Variants in ADGRL2 observed in about 807,000 individuals in gnomAD.
ADGRL2 encodes adhesion G protein-coupled receptor L2.
A neutral mutation model predicts 157.4 loss-of-function variants in ADGRL2; 44 were observed. The observed-to-expected ratio is 0.28, with a 90% confidence interval of 0.22 to 0.36. ADGRL2 has a LOEUF of 0.36. Ranked by LOEUF, ADGRL2 falls within the 10% of genes least tolerant of loss-of-function variation. ADGRL2 has a pLI of 1.00. For synonymous variants in ADGRL2, 585 were observed against 624.7 expected (o/e 0.94, Z 0.95); for missense variants, 1,510 against 1,768.9 (o/e 0.85, Z 2.63).
At chr1:81,762,676 A>G (rs1890811) in intron 2 of ADGRL2, among the ~76,000 whole-genome samples, 47,820 of 151,976 alleles carry the variant, frequency 0.31, 8,710 homozygotes, top group East Asian at 0.77. Flanking sequence ...CAGGGTACAG[A>G]ACTACATACA....
At chr1:81,963,774 TA>T (rs1656217075) in intron 11 of ADGRL2, among the ~76,000 whole-genome samples, 1 of 151,450 alleles carries the variant, frequency 6.6e-6, no homozygotes, top group Non-Finnish European at 1.5e-5. Flanking sequence ...TATATTTTAT[TA>T]AAGATTTTTT....
At chr1:81,912,522 A>G (rs937309258) in intron 3 of ADGRL2, among the ~76,000 whole-genome samples, 10 of 152,236 alleles carry the variant, frequency 6.6e-5, no homozygotes, top group Non-Finnish European at 2.9e-5. Context: ...AGAGTAGTCA[A>G]CAAAGAATGT....
rs374317854 is a variant in ADGRL2 at position 81,467,710 on chromosome 1, A to T, written c.-248+22621A>T. ...AGCAAGATTGGGGTTTCTGGGAGTGATTAGCACTTTTCACCCTTGATTGAC... is the reference window on the plus strand; with the variant it reads ...AGCAAGATTGGGGTTTCTGGGAGTGTTTAGCACTTTTCACCCTTGATTGAC... On this transcript the variant is annotated intron_variant, in intron 2 of 24. Coordinates refer to the ADGRL2 transcript ENST00000370721. Among the ~76,000 whole-genome samples, 27 of 152,230 alleles carry T rather than the reference A, an allele frequency of 1.8e-4. No homozygotes were observed. In the East Asian group the frequency reaches 3.7e-3, roughly 21 times the overall value.
chr1:81,930,072 T>C (rs1423891009), intron 3 of ADGRL2, among the ~76,000 whole-genome samples: 1 of 152,156 alleles, frequency 6.6e-6, no homozygotes, highest in African/African-American at 2.4e-5. Flanking sequence ...ACACTAATCT[T>C]CCCAATTATC....
rs1057295870 is a variant in ADGRL2, at chr1:81,542,707, A to G, written c.-247-38169A>G. Among the ~76,000 whole-genome samples, 7 of 152,366 alleles carry G rather than the reference A, an allele frequency of 4.6e-5. No homozygotes were observed. The East Asian group carries it at 1.3e-3, about 29-fold the overall frequency. On this transcript the variant is annotated intron_variant, in intron 2 of 24. Coordinates refer to the ADGRL2 transcript ENST00000370721. ...TATTTTGATTATCAATTCAATAAGT[A>G]GAATCATGGCATTATTGCTATTGAA...
At chr1:81,411,511 A>T (rs945167786) in intron 1 of ADGRL2, among the ~76,000 whole-genome samples, 2 of 152,194 alleles carry the variant, frequency 1.3e-5, no homozygotes, top group Non-Finnish European at 2.9e-5. Context: ...AATGACCTCA[A>T]AGTTAGAAGG....
intron 1 of ADGRL2, among the ~76,000 whole-genome samples, chr1:81,355,188 T>A (rs1235552532): frequency 6.6e-6 from 1 of 151,664 alleles, no homozygotes; most frequent in Non-Finnish European, 1.5e-5. Flanking sequence ...CCAACTCTAC[T>A]AAAAAAACAC....
At chr1:81,405,082 T>A (rs1188570997) in intron 1 of ADGRL2, among the ~76,000 whole-genome samples, 7 of 152,192 alleles carry the variant, frequency 4.6e-5, no homozygotes, top group Non-Finnish European at 1.0e-4. Flanking sequence ...TATGTTGACT[T>A]ATGGAACAGA....
At position 81,913,436 on chromosome 1, in the gene ADGRL2, C is replaced by G. The variant is rs188883149; in HGVS notation, c.287+6206C>G. Among the ~76,000 whole-genome samples the G allele has an allele frequency of 5.6e-4, 85 of 152,224 alleles. 2 individuals carry two copies. The highest frequency in any genetic ancestry group is 2.0e-3 in the African/African-American group (84 of 41,552). ...AGAAGTAAGACTACATGGAAAGGACCATGTATGCCTTAGTCTGGAATAAGC... is the reference window on the plus strand; with the variant it reads ...AGAAGTAAGACTACATGGAAAGGACGATGTATGCCTTAGTCTGGAATAAGC... On this transcript the variant is annotated intron_variant, in intron 3 of 23. Coordinates refer to ENST00000686636, the MANE Select transcript of ADGRL2 (RefSeq NM_001366006.2).
chr1:81,720,797 C>T (rs961050486), intron 1 of ADGRL2, among the ~76,000 whole-genome samples: 5 of 151,296 alleles, frequency 3.3e-5, no homozygotes, highest in Non-Finnish European at 7.4e-5. Context: ...TTATATAACA[C>T]CTATATATCA....
chr1:81,770,609 G>A (rs1230711345), intron 2 of ADGRL2, among the ~76,000 whole-genome samples: 2 of 152,224 alleles, frequency 1.3e-5, no homozygotes, highest in East Asian at 3.9e-4. Context: ...GAGTAGCTGG[G>A]ATTACAGGCA....
intron 2 of ADGRL2, among the ~76,000 whole-genome samples, chr1:81,844,460 C>G (rs1178706379): frequency 6.6e-6 from 1 of 152,156 alleles, no homozygotes; most frequent in Non-Finnish European, 1.5e-5. Flanking sequence ...CATCTGAAGA[C>G]CACATCAGAA....
intron 2 of ADGRL2, among the ~76,000 whole-genome samples, chr1:81,782,412 C>T (rs528378945): frequency 6.6e-6 from 1 of 152,100 alleles, no homozygotes; most frequent in Non-Finnish European, 1.5e-5. Context: ...TGCCAGAATT[C>T]ATTTTTTGGT....
intron 1 of ADGRL2, among the ~76,000 whole-genome samples, chr1:81,720,185 T>TC (rs1491446273): frequency 5.4e-4 from 50 of 92,690 alleles, no homozygotes; most frequent in African/African-American, 2.0e-3. Flanking sequence ...TTTTCTTTTC[T>TC]TTTTTTTTTT....
chr1:81,660,051 T>C (rs2082620774), intron 3 of ADGRL2, among the ~76,000 whole-genome samples: 1 of 152,168 alleles, frequency 6.6e-6, no homozygotes, highest in Non-Finnish European at 1.5e-5. Context: ...CTATCACCAA[T>C]ACCACATGGC....
intron 2 of ADGRL2, among the ~76,000 whole-genome samples, chr1:81,548,187 C>A (rs139523672): frequency 6.6e-6 from 1 of 152,102 alleles, no homozygotes; most frequent in African/African-American, 2.4e-5. Context: ...CAATACTTAA[C>A]TTGCACTCAA....
intron 1 of ADGRL2, among the ~76,000 whole-genome samples, chr1:81,714,663 G>A (rs1358412448): frequency 6.6e-6 from 1 of 152,214 alleles, no homozygotes; most frequent in African/African-American, 2.4e-5. Flanking sequence ...ATTAATGAAT[G>A]TGGTACTTAC....
intron 3 of ADGRL2, among the ~76,000 whole-genome samples, chr1:81,665,032 G>A (rs1221840713): frequency 2.0e-5 from 3 of 152,068 alleles, no homozygotes; most frequent in Non-Finnish European, 2.9e-5. Flanking sequence ...GAAATGTAAA[G>A]AAATAATTAA....
At chr1:81,904,768 G>A (rs2094553792) in intron 2 of ADGRL2, among the ~76,000 whole-genome samples, 2 of 152,098 alleles carry the variant, frequency 1.3e-5, no homozygotes, top group East Asian at 3.9e-4. Context: ...TTAGTCTGGC[G>A]TGATGGCACA....
Sources: gnomAD v4.1 joint callset for allele counts (sites outside exome capture counted in the v4.1 genomes callset) on GRCh38, gnomAD v4.1.1 for gene constraint, MANE v1.5 for transcripts, NCBI Gene and HGNC (gene_info 2026-07-23, HGNC 2026-07-21) for gene names.